Variants in ZNF664 observed in about 807,000 individuals in gnomAD.
ZNF664 encodes the protein zinc finger protein 664, also known as zinc finger Organ of Corti 1.
Under a neutral mutation model 18.2 loss-of-function variants are expected in ZNF664, and 10 were observed. The observed-to-expected ratio is 0.55, with a 90% CI of 0.34 to 0.93. The LOEUF is 0.93. ZNF664 is among the 40% of genes least tolerant of loss of function. ZNF664 has a pLI of 0.02. For synonymous variants in ZNF664, 119 were observed against 104.2 expected, an observed-to-expected ratio of 1.14 and a Z score of -0.86; for missense variants, 193 against 319.0, an observed-to-expected ratio of 0.61 and a Z score of 3.01.
intron 2 of ZNF664, among the ~76,000 whole-genome samples, chr12:123,982,445 C>T (rs1956776428): frequency 6.6e-6 from 1 of 152,146 alleles, no homozygotes; most frequent in African/African-American, 2.4e-5. Flanking sequence ...TGTGCCTGCC[C>T]TCCCCCTAAT....
rs377752073 is a variant in ZNF664 at position 124,012,630 on chromosome 12, A to G, written c.486A>G (p.Gln162=). The G allele has an allele frequency of 3.1e-6, 5 of 1,613,482 alleles. No homozygotes were observed. Among genetic ancestry groups the G allele is most frequent in the Non-Finnish European group, 3.4e-6 (4 of 1,179,884 alleles). Residue 162 remains glutamine (Q), a synonymous_variant, in exon 5 of 5, where the codon CAA becomes CAG. Coordinates refer to ENST00000337815, the MANE Select transcript of ZNF664 (RefSeq NM_152437.3). The part of the protein sequence containing the change: ...FRHTSSLCMH[Q]RVHTGEKPYK... Reference sequence around the variant, plus strand: ...ACACCTCCAGCCTCTGCATGCATCAAAGAGTCCACACAGGAGAGAAACCCT... The same window carrying G: ...ACACCTCCAGCCTCTGCATGCATCAGAGAGTCCACACAGGAGAGAAACCCT...
At chr12:123,992,624 T>G (rs1453162331) in intron 3 of ZNF664, among the ~76,000 whole-genome samples, 3 of 152,156 alleles carry the variant, frequency 2.0e-5, no homozygotes, top group African/African-American at 7.2e-5. Flanking sequence ...AGGGAGCGTT[T>G]GGATTCCTGT....
intron 3 of ZNF664, among the ~76,000 whole-genome samples, chr12:123,991,157 T>C (rs1321943102): frequency 6.6e-6 from 1 of 152,202 alleles, no homozygotes; most frequent in African/African-American, 2.4e-5. Flanking sequence ...ACTAGTTAGA[T>C]AAGATAAACT....
At chr12:123,981,594 T>G (rs1436092178) in intron 2 of ZNF664, among the ~76,000 whole-genome samples, 1 of 152,208 alleles carries the variant, frequency 6.6e-6, no homozygotes, top group Non-Finnish European at 1.5e-5. Context: ...CTGTAAGAGA[T>G]AAATTTCTTC....
Position 123,982,656 on chromosome 12 carries a change from G to A in ZNF664, c.-756-5387G>A, listed in dbSNP as rs576357952. 3.3e-5 allele frequency among the ~76,000 whole-genome samples: 5 copies of A among 152,316 alleles called. No individual in the cohort carries two copies. In the East Asian group the frequency reaches 9.6e-4, roughly 29 times the overall value. On this transcript the variant is annotated intron_variant, in intron 2 of 4. Coordinates refer to ENST00000337815, the MANE Select transcript of ZNF664 (RefSeq NM_152437.3). ...TCACCGTATCGGTTTTACTGTTGCA[G>A]CGCTTACAGGAGCAGATTCATTTAG...
chr12:124,005,482 A>AGTGTGTGTGT lies in ZNF664; in HGVS notation c.-660-5899_-660-5898insGTGTGTGTGT, dbSNP rs751514633. ...ATTTTGACTGGATGATAATTTATAG[A>AGTGTGTGTGT]ATGTGTGTGTGTGTGTGTGTGTGTG... is the stretch of plus-strand genomic sequence containing the variant. On this transcript the variant is annotated intron_variant, in intron 3 of 4. Transcript: ENST00000337815. 5.6e-3 allele frequency among the ~76,000 whole-genome samples: 517 copies of AGTGTGTGTGT among 91,894 alleles called. 2 individuals are homozygous for AGTGTGTGTGT. The highest frequency in any genetic ancestry group is 7.4e-3 in the East Asian group (31 of 4,212). The allele number at this position is 91,894 out of a possible 152,430, so 60.3% of individuals were successfully genotyped here. A position where few individuals can be genotyped will look rare whatever the true frequency, so the allele number is the denominator to read the frequency against.
At chr12:123,985,214 G>A (rs1159343500) in intron 2 of ZNF664, among the ~76,000 whole-genome samples, 2 of 152,196 alleles carry the variant, frequency 1.3e-5, no homozygotes, top group Non-Finnish European at 2.9e-5. Flanking sequence ...TATGAAATTA[G>A]AGCTGTAATC....
At chr12:123,996,826 A>G (rs1185298219) in intron 3 of ZNF664, among the ~76,000 whole-genome samples, 1 of 152,158 alleles carries the variant, frequency 6.6e-6, no homozygotes, top group African/African-American at 2.4e-5. Context: ...TGTGTGATGG[A>G]CGGAAGTAGG....
In ZNF664 at chr12:124,012,383, T is replaced by G; in HGVS notation, c.239T>G (p.Ile80Ser). The G allele has an allele frequency of 6.2e-7, 1 of 1,614,110 alleles. No homozygotes were observed. Among genetic ancestry groups the G allele is most frequent in the Non-Finnish European group, 8.5e-7 (1 of 1,180,018 alleles). ...TTTKLNRHKK[I>S]HTVEKPYKCY... ...ACAAAACTTAATAGACATAAGAAAA[T>G]CCACACAGTGGAGAAGCCCTATAAA... The change falls in exon 5 of 5, where the codon ATC (isoleucine) becomes AGC (serine). Residue 80 changes from isoleucine (I) to serine (S), a missense_variant. This residue lies in a region of ZNF664 where 90 missense variants were observed against 118.9 expected (regional missense o/e 0.76). Transcript: ENST00000337815.
At chr12:124,008,159 C>CA (rs201714936) in intron 3 of ZNF664, among the ~76,000 whole-genome samples, 50 of 149,764 alleles carry the variant, frequency 3.3e-4, no homozygotes, top group South Asian at 2.1e-3. Flanking sequence ...GTCCTTATTG[C>CA]AAAAAAAAAG....
chr12:124,005,548 A>AT (rs1256645330), intron 3 of ZNF664, among the ~76,000 whole-genome samples: 5 of 148,200 alleles, frequency 3.4e-5, no homozygotes, highest in Non-Finnish European at 7.4e-5. Flanking sequence ...GCATGTCTGT[A>AT]TTATCCTCAT....
At chr12:123,973,747 C>G in intron 1 of ZNF664, 139 bp from the exon 2 acceptor site, 3 of 1,216,802 alleles carry the variant, frequency 2.5e-6, no homozygotes, top group Non-Finnish European at 3.1e-6. Context: ...GGAGCGCTGC[C>G]GCCCTCGTCG....
At chr12:123,989,137 T>A (rs192146359) in intron 3 of ZNF664, among the ~76,000 whole-genome samples, 13 of 152,238 alleles carry the variant, frequency 8.5e-5, no homozygotes, top group Admixed American at 7.8e-4. Flanking sequence ...TCCTAGTGGG[T>A]CTAGTGACTG....
chr12:123,990,119 G>T (rs1475951020), intron 3 of ZNF664, among the ~76,000 whole-genome samples: 1 of 152,178 alleles, frequency 6.6e-6, no homozygotes, highest in Non-Finnish European at 1.5e-5. Flanking sequence ...GGTGGTTACT[G>T]GGGCTGGGGG....
chr12:123,989,987 C>T (rs940395199), intron 3 of ZNF664, among the ~76,000 whole-genome samples: 1 of 152,216 alleles, frequency 6.6e-6, no homozygotes, highest in Non-Finnish European at 1.5e-5. Context: ...AAAAATCTCT[C>T]TCCCTTGCTT....
Position 124,012,111 on chromosome 12 carries a change from T to C in ZNF664, c.-34T>C. ...GTAACTGTAGTAATCATAAGGAAAT[T>C]TTCTCCTTGAAATCACGATACCAAA... On this transcript the variant is annotated 5_prime_UTR_variant, in exon 5 of 5. Transcript: ENST00000337815. 1 of 1,571,906 alleles carries C rather than the reference T, an allele frequency of 6.4e-7. No homozygotes were observed. The highest frequency in any genetic ancestry group is 8.6e-7 in the Non-Finnish European group (1 of 1,166,026).
chr12:123,987,970 TC>T (rs1956844272), intron 2 of ZNF664, 72 bp from the exon 3 acceptor site: 4 of 1,229,940 alleles, frequency 3.3e-6, no homozygotes, highest in Non-Finnish European at 3.0e-6. Flanking sequence ...AGTAGCTAGT[TC>T]ATGAAAACAT....
chr12:123,973,845 T>G, intron 1 of ZNF664, 41 bp from the exon 2 acceptor site: 1 of 1,168,948 alleles, frequency 8.6e-7, no homozygotes. Context: ...GCCGGGCGGC[T>G]GCGGAGGAGC....
At chr12:123,977,725 T>C (rs1339214978) in intron 2 of ZNF664, among the ~76,000 whole-genome samples, 1 of 152,104 alleles carries the variant, frequency 6.6e-6, no homozygotes, top group Non-Finnish European at 1.5e-5. Context: ...GACAAATATA[T>C]TTAAACATAT....
Sources: allele counts gnomAD v4.1 joint callset (sites outside exome capture counted in the v4.1 genomes callset), GRCh38; gene constraint gnomAD v4.1.1; regional missense constraint gnomAD v4.1.1; transcripts MANE v1.5; gene names NCBI Gene and HGNC (gene_info 2026-07-23, HGNC 2026-07-21).